Variants in EFR3B observed in about 807,000 individuals in gnomAD.
EFR3B encodes protein EFR3 homolog B.
In EFR3B, 64 loss-of-function variants were observed where a neutral mutation model predicts 104.7. That is an observed-to-expected ratio of 0.61 (90% CI 0.50 to 0.75). The LOEUF is 0.75. Ranked by LOEUF, EFR3B falls within the 30% of genes least tolerant of loss-of-function variation. The pLI is 0.00. For missense variants in EFR3B, 750 were observed against 1,078.5 expected (o/e 0.70, Z 4.27); for synonymous variants, 385 against 417.9 (o/e 0.92, Z 0.96).
Position 25,139,073 on chromosome 2 carries a change from C to A in EFR3B, c.1737C>A (p.Val579=). Residue 579 remains valine, a synonymous_variant, in exon 16 of 23, where the codon GTC becomes GTA. Transcript: ENST00000403714. The part of the protein sequence containing the change: ...LVLAVQDVAQ[V]NEENLPVYNR... ...TGTTGCCGCAGGACGTGGCCCAAGTCAATGAGGAGAACTTGCCTGTCTACA... is the reference window on the plus strand; with the variant it reads ...TGTTGCCGCAGGACGTGGCCCAAGTAAATGAGGAGAACTTGCCTGTCTACA... 1 of 1,551,710 alleles carries A rather than the reference C, an allele frequency of 6.4e-7. No homozygotes were observed. The highest frequency in any genetic ancestry group is 1.2e-5 in the South Asian group (1 of 84,028).
intron 2 of EFR3B, among the ~76,000 whole-genome samples, chr2:25,091,671 A>T (rs1669127929): frequency 6.6e-6 from 1 of 152,212 alleles, no homozygotes; most frequent in Non-Finnish European, 1.5e-5. Context: ...TCACTGTCCA[A>T]CCGAGACATC....
At chr2:25,061,934 A>C (rs1322802542) in intron 1 of EFR3B, among the ~76,000 whole-genome samples, 1 of 152,174 alleles carries the variant, frequency 6.6e-6, no homozygotes, top group Non-Finnish European at 1.5e-5. Context: ...TGGATGATTT[A>C]AATTTTCTTT....
intron 2 of EFR3B, 86 bp downstream of exon 2, chr2:25,091,487 C>T: frequency 2.3e-6 from 3 of 1,276,742 alleles, no homozygotes; most frequent in Non-Finnish European, 3.2e-6. Context: ...AGGCCTCCTG[C>T]CGGGTGGGGA....
chr2:25,059,577 G>C (rs768671890), intron 1 of EFR3B, among the ~76,000 whole-genome samples: 29 of 120,300 alleles, frequency 2.4e-4, no homozygotes, highest in Non-Finnish European at 4.2e-4. Flanking sequence ...GACTGCGGGG[G>C]GGGGGGGGGT....
rs1667590744 is a variant in EFR3B, at chr2:25,042,182, C to G, written c.-131C>G. ...CGCGGCCGGCCCCCGCGTCTGCTCC[C>G]TCCCCGCCCGGGCCCCTGTCGGCCG... On this transcript the variant is annotated 5_prime_UTR_variant, in exon 1 of 23. Coordinates refer to ENST00000403714, the MANE Select transcript of EFR3B (RefSeq NM_014971.2). The surrounding 1 kb of genome is among the most constrained non-coding windows in gnomAD (Gnocchi z 5.4). 1.0e-6 allele frequency: 1 copy of G among 953,104 alleles called. No homozygotes were observed. Among genetic ancestry groups the G allele is most frequent in the Admixed American group, 4.6e-5 (1 of 21,972 alleles). The allele number at this position is 953,104 out of a possible 1,614,324, so 59.0% of individuals were successfully genotyped here.
chr2:25,149,544 C>A, intron 19 of EFR3B, 150 bp from the exon 20 acceptor site: 1 of 744,346 alleles, frequency 1.3e-6, no homozygotes, highest in Non-Finnish European at 2.3e-6. Flanking sequence ...CTTCTGAGAC[C>A]CTGAGGGGGG....
chr2:25,057,809 A>T (rs1212245484), intron 1 of EFR3B, among the ~76,000 whole-genome samples: 3 of 151,854 alleles, frequency 2.0e-5, no homozygotes, highest in Non-Finnish European at 4.4e-5. Context: ...GACCATTATC[A>T]ATTGAGCTAC....
intron 1 of EFR3B, chr2:25,080,245 CCAA>C: frequency 1.3e-6 from 2 of 1,500,586 alleles, no homozygotes; most frequent in Non-Finnish European, 9.2e-7. Context: ...AGCACCACCA[CCAA>C]CATCAAGGAA....
chr2:25,064,130 T>C (rs1481904681), intron 1 of EFR3B, among the ~76,000 whole-genome samples: 1 of 152,200 alleles, frequency 6.6e-6, no homozygotes, highest in African/African-American at 2.4e-5. Flanking sequence ...GCTTCTGAAA[T>C]TTCTCTTTGG....
intron 18 of EFR3B, 92 bp from the exon 19 acceptor site, chr2:25,144,868 C>A (rs1253880766): frequency 4.4e-6 from 5 of 1,142,824 alleles, no homozygotes; most frequent in Non-Finnish European, 5.0e-6. Flanking sequence ...GTGGACCAAG[C>A]AAAGGCAGAG....
Position 25,131,388 on chromosome 2 carries a change from C to A in EFR3B, c.870C>A (p.Val290=). ...YSIQPQHSHL[V]IQQLLGHLDA... is the part of the protein sequence containing the mutation. ...CGCAGCCGCAGCACTCACACCTGGT[C>A]ATCCAGCAGCTCCTGGGCCACCTGG... Residue 290 remains valine, a synonymous_variant, in exon 9 of 23, where the codon GTC becomes GTA. Coordinates refer to ENST00000403714, the MANE Select transcript of EFR3B (RefSeq NM_014971.2). This position sits in a 1 kb window ranked among gnomAD's most constrained non-coding sequence, Gnocchi z 7.6. The A allele has an allele frequency of 6.4e-7, 1 of 1,550,914 alleles. No individual in the cohort carries two copies. The highest frequency in any genetic ancestry group is 1.2e-5 in the South Asian group (1 of 84,026).
At chr2:25,078,218 A>C (rs542177540) in intron 1 of EFR3B, among the ~76,000 whole-genome samples, 1 of 152,336 alleles carries the variant, frequency 6.6e-6, no homozygotes, top group East Asian at 1.9e-4. Flanking sequence ...GTCAGTGAAC[A>C]CAAGTGCCTC....
At chr2:25,058,836 G>A (rs981112149) in intron 1 of EFR3B, among the ~76,000 whole-genome samples, 1 of 148,708 alleles carries the variant, frequency 6.7e-6, no homozygotes, top group Non-Finnish European at 1.5e-5. Flanking sequence ...CCATCATTGT[G>A]TACAGCTAGT....
intron 1 of EFR3B, among the ~76,000 whole-genome samples, chr2:25,084,384 G>A (rs577718445): frequency 2.3e-4 from 35 of 152,050 alleles, no homozygotes; most frequent in Non-Finnish European, 4.1e-4. Flanking sequence ...TTACAGGTGC[G>A]CGCTGCCACG....
chr2:25,046,317 G>A (rs1265122952), intron 1 of EFR3B, among the ~76,000 whole-genome samples: 5 of 151,786 alleles, frequency 3.3e-5, no homozygotes, highest in Non-Finnish European at 7.4e-5. Context: ...CCTGGGAGGC[G>A]GAGGTTGCAG....
intron 6 of EFR3B, 22 bp downstream of exon 6, chr2:25,128,354 A>C: frequency 1.3e-6 from 2 of 1,551,490 alleles, no homozygotes; most frequent in Non-Finnish European, 1.7e-6. Context: ...GGGATGGGGC[A>C]GGACAGTAGA....
At chr2:25,087,556 T>C (rs1413893929) in intron 1 of EFR3B, among the ~76,000 whole-genome samples, 4 of 151,646 alleles carry the variant, frequency 2.6e-5, no homozygotes, top group Admixed American at 6.6e-5. Flanking sequence ...CTCAGCTCAC[T>C]GCAGCCTCCG....
At chr2:25,142,632 G>A (rs1242112682) in intron 17 of EFR3B, among the ~76,000 whole-genome samples, 23 of 149,646 alleles carry the variant, frequency 1.5e-4, no homozygotes, top group African/African-American at 4.7e-4. Context: ...GGTGGCGTGC[G>A]CCTGTAATCC....
intron 1 of EFR3B, among the ~76,000 whole-genome samples, chr2:25,055,761 A>G (rs1299536574): frequency 1.8e-5 from 2 of 111,292 alleles, no homozygotes; most frequent in Non-Finnish European, 3.7e-5. Flanking sequence ...AGCACCTTAT[A>G]GCTGCTCACA....
Sources: gnomAD v4.1 joint callset for allele counts (sites outside exome capture counted in the v4.1 genomes callset) on GRCh38, gnomAD v4.1.1 for gene constraint, Gnocchi (gnomAD v3.1) non-coding constraint, MANE v1.5 for transcripts, NCBI Gene and HGNC (gene_info 2026-07-23, HGNC 2026-07-21) for gene names.